The following CDC123 variants were observed in gnomAD, a reference collection of about 807,000 sequenced individuals.
CDC123 encodes translation initiation factor eIF2 assembly protein.
In CDC123, 37 loss-of-function variants were observed where a neutral mutation model predicts 54.4. The ratio of observed to expected loss-of-function variants is 0.68; its 90% CI spans 0.52 to 0.89. CDC123 has a LOEUF of 0.89. Among genes scored for constraint, CDC123 ranks in the 40% least tolerant of loss-of-function variants. CDC123 has a pLI of 0.00. For synonymous variants in CDC123, 144 were observed against 136.8 expected (o/e 1.05, Z -0.37); for missense variants, 361 against 412.1 (o/e 0.88, Z 1.07).
intron 11 of CDC123, 108 bp downstream of exon 11, chr10:12,246,385 C>A (rs12252466): frequency 3.1e-6 from 4 of 1,288,092 alleles, no homozygotes; most frequent in Non-Finnish European, 4.4e-6. Flanking sequence ...CCTTGGGAAG[C>A]GCAGAGTGTA....
intron 6 of CDC123, among the ~76,000 whole-genome samples, chr10:12,219,205 TGTA>T (rs1305158568): frequency 6.6e-6 from 1 of 152,226 alleles, no homozygotes; most frequent in Non-Finnish European, 1.5e-5. Flanking sequence ...GACATAAGGT[TGTA>T]GTATTATATT....
intron 10 of CDC123, among the ~76,000 whole-genome samples, chr10:12,242,277 G>C (rs1438499985): frequency 6.6e-6 from 1 of 152,100 alleles, no homozygotes; most frequent in Non-Finnish European, 1.5e-5. Flanking sequence ...AGGTCCTTTG[G>C]GAAGCATTTC....
At chr10:12,205,566 C>T (rs988264067) in intron 2 of CDC123, among the ~76,000 whole-genome samples, 27 of 152,158 alleles carry the variant, frequency 1.8e-4, no homozygotes, top group African/African-American at 6.3e-4. Flanking sequence ...GAAGTAGTTG[C>T]TATTTTCCCA....
chr10:12,210,694 T>C (rs1190274295), intron 4 of CDC123, among the ~76,000 whole-genome samples: 1 of 152,070 alleles, frequency 6.6e-6, no homozygotes, highest in African/African-American at 2.4e-5. Flanking sequence ...ATTTAGTTAG[T>C]TAGTTGTTTT....
intron 2 of CDC123, among the ~76,000 whole-genome samples, chr10:12,209,273 C>G (rs191963271): frequency 6.6e-6 from 1 of 152,132 alleles, no homozygotes; most frequent in Non-Finnish European, 1.5e-5. Context: ...GTCTCACTCT[C>G]TTGCCCAGGC....
intron 4 of CDC123, among the ~76,000 whole-genome samples, chr10:12,214,777 A>T (rs774133228): frequency 1.3e-5 from 2 of 152,036 alleles, no homozygotes; most frequent in Non-Finnish European, 2.9e-5. Context: ...AGTTTAGTTA[A>T]TTCAAGATGT....
At chr10:12,204,459 A>C (rs1835486748) in intron 2 of CDC123, among the ~76,000 whole-genome samples, 1 of 152,204 alleles carries the variant, frequency 6.6e-6, no homozygotes, top group African/African-American at 2.4e-5. Flanking sequence ...TGACACTGAC[A>C]CATAAATGAT....
intron 6 of CDC123, among the ~76,000 whole-genome samples, chr10:12,223,107 G>A (rs1394118736): frequency 6.6e-6 from 1 of 151,594 alleles, no homozygotes; most frequent in African/African-American, 2.4e-5. Context: ...TATTAGCCAG[G>A]ATGGTCTCAA....
At chr10:12,215,338 A>C (rs111268532) in intron 4 of CDC123, among the ~76,000 whole-genome samples, 25 of 152,302 alleles carry the variant, frequency 1.6e-4, no homozygotes, top group African/African-American at 5.8e-4. Flanking sequence ...AAGGGCTTCT[A>C]GCTCTTCAAG....
intron 6 of CDC123, among the ~76,000 whole-genome samples, chr10:12,228,419 T>C (rs1294957135): frequency 6.6e-6 from 1 of 151,894 alleles, no homozygotes; most frequent in East Asian, 1.9e-4. Context: ...GTTTTTTTTT[T>C]TTTTGAAACG....
chr10:12,229,896 G>C (rs1178723695), intron 6 of CDC123, among the ~76,000 whole-genome samples: 1 of 152,200 alleles, frequency 6.6e-6, no homozygotes, highest in Non-Finnish European at 1.5e-5. Flanking sequence ...GATGGCCAAC[G>C]TTACGTTGAG....
intron 10 of CDC123, chr10:12,245,069 T>TA (rs201001670): frequency 0.036 from 5,447 of 152,352 alleles, 123 homozygotes; most frequent in Non-Finnish European, 0.037. Flanking sequence ...TTGCATATGG[T>TA]AAAAAAATCC....
intron 10 of CDC123, among the ~76,000 whole-genome samples, chr10:12,242,415 T>G (rs1356323551): frequency 6.6e-6 from 1 of 152,166 alleles, no homozygotes; most frequent in Non-Finnish European, 1.5e-5. Context: ...TTGGTTCTGT[T>G]TTGGGGAAGT....
At chr10:12,216,451 T>TC (rs1835666321) in intron 5 of CDC123, among the ~76,000 whole-genome samples, 1 of 152,226 alleles carries the variant, frequency 6.6e-6, no homozygotes, top group Non-Finnish European at 1.5e-5. Flanking sequence ...ATCTAAGTTT[T>TC]GTTTTTACTT....
chr10:12,196,223 G>A lies in CDC123; in HGVS notation c.-23G>A. The A allele has an allele frequency of 6.2e-7, 1 of 1,613,870 alleles. No homozygotes were observed. The highest frequency in any genetic ancestry group is 8.5e-7 in the Non-Finnish European group (1 of 1,179,956). The stretch of plus-strand genomic sequence containing the variant: ...GAGGGTGCAGGCAGGAGAGGGAAAG[G>A]CAGCAGCGGCGGCAGCTGGAGGATG... On this transcript the variant is annotated 5_prime_UTR_variant, in exon 1 of 13. Transcript: ENST00000281141.
At position 12,230,845 on chromosome 10, in the gene CDC123, C is replaced by A. The variant is rs1349542088; in HGVS notation, c.441-103C>A. ...TGAGTTAGTCTCCTGTTTCTGGATG[C>A]TTTTAGTAAAACGTTACTCTCATGT... On this transcript the variant is annotated intron_variant, in intron 6 of 12. Coordinates refer to ENST00000281141, the MANE Select transcript of CDC123 (RefSeq NM_006023.3). The A allele has an allele frequency of 2.0e-5, 22 of 1,075,188 alleles. No homozygotes were observed. The East Asian group carries it at 4.8e-4, about 24-fold the overall frequency. 66.6% of individuals were successfully genotyped at this position (1,075,188 alleles called of 1,614,324 possible).
intron 7 of CDC123, among the ~76,000 whole-genome samples, chr10:12,232,962 T>C (rs1233758720): frequency 1.7e-4 from 26 of 151,972 alleles, no homozygotes; most frequent in Admixed American, 1.7e-3. Flanking sequence ...GGTTTCACTG[T>C]GTTAGCCAGG....
At chr10:12,199,017 A>G in intron 2 of CDC123, 1 of 365,664 alleles carries the variant, frequency 2.7e-6, no homozygotes, top group Middle Eastern at 7.8e-4. Context: ...CTGTCTTTAG[A>G]AAACAGTTAT....
chr10:12,223,654 A>G (rs1835766284), intron 6 of CDC123, among the ~76,000 whole-genome samples: 1 of 152,250 alleles, frequency 6.6e-6, no homozygotes, highest in Admixed American at 6.5e-5. Context: ...CATAATAAAT[A>G]TACCTATTTA....
Sources: allele counts gnomAD v4.1 joint callset (sites outside exome capture counted in the v4.1 genomes callset), GRCh38; gene constraint gnomAD v4.1.1; transcripts MANE v1.5; gene names NCBI Gene and HGNC (gene_info 2026-07-23, HGNC 2026-07-21).